LRMDA: variants seen among roughly 807,000 people sequenced by gnomAD.
LRMDA encodes leucine-rich melanocyte differentiation-associated protein.
LRMDA carries 18 observed loss-of-function variants against 29.8 expected under a neutral mutation model. That is an observed-to-expected ratio of 0.60 (90% CI 0.42 to 0.90). LRMDA has a LOEUF of 0.90. LRMDA is among the 40% of genes least tolerant of loss of function. The pLI is 0.00. For synonymous variants in LRMDA, 125 were observed against 109.4 expected, an observed-to-expected ratio of 1.14 and a Z score of -0.89; for missense variants, 273 against 273.9, an observed-to-expected ratio of 1.00 and a Z score of 0.02.
At chr10:75,819,559 C>A (rs1844120965) in intron 2 of LRMDA, among the ~76,000 whole-genome samples, 1 of 152,134 alleles carries the variant, frequency 6.6e-6, no homozygotes, top group Non-Finnish European at 1.5e-5. Flanking sequence ...ACCTCTTAGG[C>A]ATATGTGCCA....
At chr10:75,976,074 C>T (rs936469215) in intron 2 of LRMDA, among the ~76,000 whole-genome samples, 3 of 152,252 alleles carry the variant, frequency 2.0e-5, no homozygotes, top group African/African-American at 7.2e-5. Context: ...TGAATTCCCT[C>T]CAGCAGTTAC....
At position 76,064,926 on chromosome 10, in the gene LRMDA, T is replaced by A. The variant is rs187482097; in HGVS notation, c.516+6143T>A. 5.9e-3 allele frequency among the ~76,000 whole-genome samples: 889 copies of A among 151,436 alleles called. 3 individuals carry two copies. Among genetic ancestry groups the A allele is most frequent in the Non-Finnish European group, 9.8e-3 (663 of 67,896 alleles). On this transcript the variant is annotated intron_variant, in intron 5 of 6. Transcript: ENST00000611255. ...CCTGAATGTGCTCATGTTTTTATGA[T>A]TTTTTTTTCTGTTTTCATGCAGATG...
At chr10:75,714,236 A>G (rs1418845607) in intron 2 of LRMDA, among the ~76,000 whole-genome samples, 2 of 152,232 alleles carry the variant, frequency 1.3e-5, no homozygotes, top group South Asian at 2.1e-4. Context: ...TCCATGAGAC[A>G]TATTTTCAGA....
chr10:76,487,837 T>C (rs577511883), intron 6 of LRMDA, among the ~76,000 whole-genome samples: 2 of 152,066 alleles, frequency 1.3e-5, no homozygotes, highest in African/African-American at 4.8e-5. Context: ...CCCTGTGTTC[T>C]AGACTCTATG....
intron 2 of LRMDA, among the ~76,000 whole-genome samples, chr10:75,486,648 G>T (rs952849008): frequency 3.9e-5 from 6 of 152,092 alleles, no homozygotes; most frequent in Non-Finnish European, 7.4e-5. Flanking sequence ...TCTGGTCTGG[G>T]GGGGGCAACA....
intron 6 of LRMDA, among the ~76,000 whole-genome samples, chr10:76,554,943 T>C (rs1414231484): frequency 6.6e-6 from 1 of 151,982 alleles, no homozygotes; most frequent in East Asian, 1.9e-4. Context: ...AAGAGAAAGA[T>C]TGTGTTCTTT....
chr10:76,524,609 C>T (rs1843155349), intron 6 of LRMDA, among the ~76,000 whole-genome samples: 1 of 152,184 alleles, frequency 6.6e-6, no homozygotes, highest in South Asian at 2.1e-4. Flanking sequence ...TGGCTCTCAG[C>T]TCTTGTATTC....
intron 2 of LRMDA, among the ~76,000 whole-genome samples, chr10:75,602,069 T>G (rs371345749): frequency 6.6e-6 from 1 of 152,190 alleles, no homozygotes; most frequent in Non-Finnish European, 1.5e-5. Flanking sequence ...CTTTTGGGAA[T>G]TCAGTGCTGG....
chr10:75,966,465 C>A (rs1455736914), intron 2 of LRMDA, among the ~76,000 whole-genome samples: 1 of 152,232 alleles, frequency 6.6e-6, no homozygotes, highest in Non-Finnish European at 1.5e-5. Context: ...CAGCATGCAG[C>A]AAGTCTGCTC....
chr10:76,470,484 T>A (rs901637677), intron 6 of LRMDA: 4 of 151,900 alleles, frequency 2.6e-5, no homozygotes, highest in Non-Finnish European at 4.4e-5. Context: ...GGACAAAAGG[T>A]AGAAACAACC....
At chr10:75,467,643 G>T (rs1418844846) in intron 2 of LRMDA, among the ~76,000 whole-genome samples, 2 of 152,024 alleles carry the variant, frequency 1.3e-5, no homozygotes, top group East Asian at 3.9e-4. Flanking sequence ...TAAATTGTGG[G>T]GACAGGACAG....
intron 2 of LRMDA, among the ~76,000 whole-genome samples, chr10:75,986,679 A>G (rs1847267254): frequency 6.6e-6 from 1 of 152,256 alleles, no homozygotes; most frequent in Non-Finnish European, 1.5e-5. Flanking sequence ...CCTGTTACCC[A>G]GTCTAGTCTT....
intron 6 of LRMDA, among the ~76,000 whole-genome samples, chr10:76,445,069 T>C (rs554675274): frequency 2.6e-5 from 4 of 152,300 alleles, no homozygotes; most frequent in African/African-American, 9.6e-5. Flanking sequence ...GAATACTTGG[T>C]AGATTAAGAC....
At chr10:75,925,404 G>A (rs1043995469) in intron 2 of LRMDA, among the ~76,000 whole-genome samples, 2 of 152,188 alleles carry the variant, frequency 1.3e-5, no homozygotes, top group East Asian at 3.9e-4. Flanking sequence ...TTGCTTGAGA[G>A]TGTTAGCGTC....
intron 5 of LRMDA, among the ~76,000 whole-genome samples, chr10:76,154,762 A>G (rs549507538): frequency 6.6e-6 from 1 of 152,286 alleles, no homozygotes; most frequent in South Asian, 2.1e-4. Flanking sequence ...TACCTCTCTC[A>G]TGGCATGGTC....
chr10:75,714,571 C>A (rs558604292), intron 2 of LRMDA, among the ~76,000 whole-genome samples: 76 of 152,332 alleles, frequency 5.0e-4, no homozygotes, highest in Non-Finnish European at 9.4e-4. Context: ...ATTTCTGGTT[C>A]TTTTTGTAGT....
chr10:76,444,861 G>A (rs568963690), intron 6 of LRMDA, among the ~76,000 whole-genome samples: 6 of 152,192 alleles, frequency 3.9e-5, no homozygotes, highest in African/African-American at 9.6e-5. Context: ...GTATACATAT[G>A]TGCATATATT....
At chr10:76,386,974 T>TA (rs1289076482) in intron 6 of LRMDA, among the ~76,000 whole-genome samples, 4 of 152,040 alleles carry the variant, frequency 2.6e-5, no homozygotes. Flanking sequence ...TAAAATGAAA[T>TA]ATTCGTAAAT....
At chr10:76,356,020 G>A (rs2132438046) in intron 6 of LRMDA, among the ~76,000 whole-genome samples, 1 of 152,258 alleles carries the variant, frequency 6.6e-6, no homozygotes, top group East Asian at 1.9e-4. Flanking sequence ...TATTTGAGAA[G>A]TTTAAAATTG....
Sources: allele counts gnomAD v4.1 joint callset (sites outside exome capture counted in the v4.1 genomes callset), GRCh38; gene constraint gnomAD v4.1.1; transcripts MANE v1.5; gene names NCBI Gene and HGNC (gene_info 2026-07-23, HGNC 2026-07-21).